ST18: variants seen among roughly 807,000 people sequenced by gnomAD.
ST18 encodes ST18 C2H2C-type zinc finger transcription factor, also known as suppression of tumorigenicity 18 protein.
A neutral mutation model predicts 110.0 loss-of-function variants in ST18; 50 were observed. The observed-to-expected ratio is 0.45, with a 90% CI of 0.36 to 0.58. The LOEUF (loss-of-function observed/expected upper bound fraction) is 0.58. Among genes scored for constraint, ST18 ranks in the 20% least tolerant of loss-of-function variants. ST18 has a pLI of 0.00. For missense variants in ST18, 1,306 were observed against 1,280.1 expected (o/e 1.02, Z -0.31); for synonymous variants, 461 against 452.4 (o/e 1.02, Z -0.24).
At chr8:52,122,147 C>G (rs1275878132) in intron 23 of ST18, among the ~76,000 whole-genome samples, 1 of 152,104 alleles carries the variant, frequency 6.6e-6, no homozygotes, top group Non-Finnish European at 1.5e-5. Context: ...CTAGCCTCCA[C>G]TAAATATTTT....
chr8:52,307,878 T>A (rs1248553993), intron 2 of ST18, among the ~76,000 whole-genome samples: 1 of 152,230 alleles, frequency 6.6e-6, no homozygotes, highest in African/African-American at 2.4e-5. Flanking sequence ...ATGTTGGATA[T>A]ACTGATATTT....
chr8:52,275,785 G>A (rs1005955822), intron 2 of ST18, among the ~76,000 whole-genome samples: 1 of 152,052 alleles, frequency 6.6e-6, no homozygotes, highest in African/African-American at 2.4e-5. Flanking sequence ...ATAGCACTGT[G>A]AGACAGTGCT....
chr8:52,309,208 C>T (rs2095860977), intron 2 of ST18, among the ~76,000 whole-genome samples: 1 of 152,108 alleles, frequency 6.6e-6, no homozygotes, highest in Non-Finnish European at 1.5e-5. Context: ...TTATGAGTTC[C>T]TGTTAATGAT....
At chr8:52,124,280 A>G (rs953846461) in intron 23 of ST18, among the ~76,000 whole-genome samples, 1 of 151,870 alleles carries the variant, frequency 6.6e-6, no homozygotes, top group Non-Finnish European at 1.5e-5. Context: ...GGTTCAAGCA[A>G]TTCCCTCCCT....
chr8:52,159,898 T>C (rs2060978615), intron 14 of ST18, among the ~76,000 whole-genome samples: 1 of 152,196 alleles, frequency 6.6e-6, no homozygotes, highest in Non-Finnish European at 1.5e-5. Context: ...CACTCCAGGT[T>C]ACAGGAGAAA....
chr8:52,285,077 G>A (rs556226655), intron 2 of ST18, among the ~76,000 whole-genome samples: 108 of 152,320 alleles, frequency 7.1e-4, no homozygotes, highest in African/African-American at 2.5e-3. Flanking sequence ...GGGAGAGGCT[G>A]AATAGTTGTT....
intron 22 of ST18, among the ~76,000 whole-genome samples, chr8:52,127,102 A>G (rs2047395422): frequency 1.3e-5 from 2 of 152,194 alleles, no homozygotes; most frequent in African/African-American, 4.8e-5. Context: ...TAAAGAAATC[A>G]TTTCACTCTG....
At chr8:52,350,106 G>A (rs930183878) in intron 2 of ST18, among the ~76,000 whole-genome samples, 7 of 152,164 alleles carry the variant, frequency 4.6e-5, no homozygotes, top group African/African-American at 1.7e-4. Context: ...GATGAGCATG[G>A]AGGGACCAGG....
At chr8:52,299,702 G>C (rs1442244432) in intron 2 of ST18, among the ~76,000 whole-genome samples, 1 of 152,178 alleles carries the variant, frequency 6.6e-6, no homozygotes, top group Non-Finnish European at 1.5e-5. Context: ...CCTGAAAGTA[G>C]TATCAACCTG....
intron 2 of ST18, among the ~76,000 whole-genome samples, chr8:52,253,653 T>A (rs1212115603): frequency 6.6e-6 from 1 of 152,154 alleles, no homozygotes; most frequent in Non-Finnish European, 1.5e-5. Flanking sequence ...TGGTTATTCA[T>A]ATACAATTGT....
At chr8:52,285,569 A>T (rs2095456775) in intron 2 of ST18, among the ~76,000 whole-genome samples, 1 of 152,180 alleles carries the variant, frequency 6.6e-6, no homozygotes, top group Non-Finnish European at 1.5e-5. Flanking sequence ...AAGTCCAAGA[A>T]AAAGGTGGCT....
intron 2 of ST18, among the ~76,000 whole-genome samples, chr8:52,363,794 ATG>A (rs759057997): frequency 6.6e-6 from 1 of 151,708 alleles, no homozygotes; most frequent in Admixed American, 6.6e-5. Context: ...GGTGGATATT[ATG>A]TGTGTGTGTG....
intron 2 of ST18, among the ~76,000 whole-genome samples, chr8:52,333,476 A>T (rs1009919099): frequency 6.6e-6 from 1 of 152,200 alleles, no homozygotes; most frequent in Admixed American, 6.5e-5. Context: ...TTCAGTTGAA[A>T]GGAAACAGAA....
chr8:52,204,544 C>T (rs2079218258), intron 8 of ST18, among the ~76,000 whole-genome samples: 1 of 152,330 alleles, frequency 6.6e-6, no homozygotes, highest in African/African-American at 2.4e-5. Context: ...CACAACAATG[C>T]TGTTACATCA....
intron 8 of ST18, among the ~76,000 whole-genome samples, chr8:52,206,229 C>T (rs1395321449): frequency 6.6e-6 from 1 of 152,184 alleles, no homozygotes; most frequent in Non-Finnish European, 1.5e-5. Flanking sequence ...ATGGCTCCAA[C>T]CAGACGCTGT....
At chr8:52,178,575 C>T (rs2067849930) in intron 9 of ST18, among the ~76,000 whole-genome samples, 1 of 132,278 alleles carries the variant, frequency 7.6e-6, no homozygotes, top group Non-Finnish European at 1.5e-5. Flanking sequence ...TGAGATCCCA[C>T]CATTGCACTC....
rs77298753 is a variant in ST18 at position 52,339,053 on chromosome 8, G to C, written c.-465+70275C>G. Among the ~76,000 whole-genome samples the C allele has an allele frequency of 4.6e-5, 7 of 152,216 alleles. No individual in the cohort carries two copies. In the East Asian group the frequency reaches 1.4e-3, roughly 30 times the overall value. The stretch of plus-strand genomic sequence containing the variant: ...AGAAGTTCACTTGCAAAGTGGCTGG[G>C]TTCTCTGCTTAGGGTTTCATGAGTC... On this transcript the variant is annotated intron_variant, in intron 2 of 25. Coordinates refer to ENST00000689386, the MANE Select transcript of ST18 (RefSeq NM_001352837.2).
At chr8:52,152,033 G>C (rs896185086) in intron 15 of ST18, among the ~76,000 whole-genome samples, 2 of 152,198 alleles carry the variant, frequency 1.3e-5, no homozygotes, top group Non-Finnish European at 2.9e-5. Context: ...GATTCTAGGA[G>C]TTGTTACGAT....
chr8:52,385,820 G>A (rs1836486879), intron 2 of ST18, among the ~76,000 whole-genome samples: 1 of 152,120 alleles, frequency 6.6e-6, no homozygotes, highest in South Asian at 2.1e-4. Context: ...AGAGAGAACA[G>A]CTGATGGAAT....
Sources: gnomAD v4.1 joint callset for allele counts (sites outside exome capture counted in the v4.1 genomes callset) on GRCh38, gnomAD v4.1.1 for gene constraint, MANE v1.5 for transcripts, NCBI Gene and HGNC (gene_info 2026-07-23, HGNC 2026-07-21) for gene names.